The following GABRA3 variants were observed in gnomAD, a reference collection of about 807,000 sequenced individuals.
GABRA3 encodes the protein gamma-aminobutyric acid receptor subunit alpha-3.
Under a neutral mutation model 30.1 loss-of-function variants are expected in GABRA3, and 10 were observed. The ratio of observed to expected loss-of-function variants is 0.33; its 90% CI spans 0.20 to 0.56. GABRA3 has a LOEUF of 0.56. Among genes scored for constraint, GABRA3 ranks in the 20% least tolerant of loss-of-function variants. GABRA3 has a pLI of 0.89. For synonymous variants in GABRA3, 151 were observed against 146.8 expected (o/e 1.03, Z -0.21); for missense variants, 233 against 392.0 (o/e 0.59, Z 3.42).
chrX:152,379,835 G>T (rs1929093109), intron 1 of GABRA3, among the ~76,000 whole-genome samples: 1 of 110,310 alleles, frequency 9.1e-6, no homozygotes, highest in African/African-American at 3.3e-5. Flanking sequence ...CATTTATGGG[G>T]TACAATGTGA....
intron 3 of GABRA3, among the ~76,000 whole-genome samples, chrX:152,285,799 G>A (rs1320659562): frequency 9.1e-6 from 1 of 109,330 alleles, no homozygotes; most frequent in Non-Finnish European, 1.9e-5. Context: ...GCTTGCTCAA[G>A]CTTCTTTTAT....
intron 3 of GABRA3, among the ~76,000 whole-genome samples, chrX:152,342,498 A>G (rs1188735004): frequency 9.1e-6 from 1 of 110,384 alleles, no homozygotes; most frequent in Non-Finnish European, 1.9e-5. Context: ...GTTTTTGCTA[A>G]TTATTATTGC....
chrX:152,310,559 C>T (rs1939783176), intron 3 of GABRA3, among the ~76,000 whole-genome samples: 1 of 111,278 alleles, frequency 9.0e-6, no homozygotes, highest in Admixed American at 9.6e-5. Flanking sequence ...ACAGCTAAAG[C>T]AGTGTTAATA....
At chrX:152,191,707 G>A (rs762276998) in intron 8 of GABRA3, among the ~76,000 whole-genome samples, 8 of 109,573 alleles carry the variant, frequency 7.3e-5, no homozygotes, top group African/African-American at 2.0e-4. Context: ...TTGGTCTGCC[G>A]TAGTACCTTA....
At chrX:152,352,140 C>T (rs1330224214) in intron 2 of GABRA3, among the ~76,000 whole-genome samples, 1 of 110,751 alleles carries the variant, frequency 9.0e-6, no homozygotes, top group African/African-American at 3.3e-5. Context: ...TGAGCACATG[C>T]TGTTGGAAAA....
intron 9 of GABRA3, among the ~76,000 whole-genome samples, chrX:152,181,340 T>C (rs1307994632): frequency 8.9e-6 from 1 of 112,117 alleles, no homozygotes; most frequent in Non-Finnish European, 1.9e-5. Flanking sequence ...AGATAGTTCA[T>C]TGTTGATAAA....
chrX:152,299,269 G>C (rs1350746454), intron 3 of GABRA3, among the ~76,000 whole-genome samples: 1 of 112,203 alleles, frequency 8.9e-6, no homozygotes, highest in Non-Finnish European at 1.9e-5. Context: ...TGCTCTGTAT[G>C]AAAGGGAAGA....
intron 2 of GABRA3, among the ~76,000 whole-genome samples, chrX:152,359,013 A>G (rs930555562): frequency 9.0e-6 from 1 of 111,519 alleles, no homozygotes; most frequent in Non-Finnish European, 1.9e-5. Context: ...GATATAGGCC[A>G]CAAGTTTTCT....
At chrX:152,183,597 T>G (rs149162021) in intron 9 of GABRA3, among the ~76,000 whole-genome samples, 1 of 111,192 alleles carries the variant, frequency 9.0e-6, no homozygotes, top group African/African-American at 3.2e-5. Flanking sequence ...TCTAGTAACT[T>G]TGGGCTTAGT....
chrX:152,171,980 T>C (rs1466462577), intron 9 of GABRA3, among the ~76,000 whole-genome samples: 1 of 111,798 alleles, frequency 8.9e-6, no homozygotes, highest in African/African-American at 3.3e-5. Context: ...TCAGAGTATA[T>C]ACTTACATGG....
At chrX:152,445,048 G>C (rs1249508461) in intron 1 of GABRA3, among the ~76,000 whole-genome samples, 88 of 50,055 alleles carry the variant, frequency 1.8e-3, no homozygotes, top group African/African-American at 7.5e-3. Context: ...GCAACAGAGT[G>C]AGACTCCGTC....
chrX:152,325,418 C>A (rs764815910), intron 3 of GABRA3, among the ~76,000 whole-genome samples: 3 of 111,486 alleles, frequency 2.7e-5, no homozygotes, highest in African/African-American at 9.8e-5. Context: ...CCCTGACCCC[C>A]GAGTAGACTA....
chrX:152,361,528 G>A (rs1603247982), intron 2 of GABRA3, among the ~76,000 whole-genome samples: 1 of 95,880 alleles, frequency 1.0e-5, no homozygotes, highest in East Asian at 3.3e-4. Context: ...AGCTGAGATC[G>A]CACCATTGCA....
rs1335553350 is a variant in GABRA3, at chrX:152,434,853, T to C, written c.-27+16293A>G. Among the ~76,000 whole-genome samples, 14 of 111,375 alleles carry C rather than the reference T, an allele frequency of 1.3e-4. No homozygotes were observed. The Admixed American group carries it at 1.3e-3, about 11-fold the overall frequency. ...CATCAGCATACATTCATGATAAAAA[T>C]CCCTCACCAAACTATGGATAGAAGG... On this transcript the variant is annotated intron_variant, in intron 1 of 9. Coordinates refer to ENST00000370314, the MANE Select transcript of GABRA3 (RefSeq NM_000808.4).
chrX:152,200,082 G>A (rs944501696), intron 7 of GABRA3, among the ~76,000 whole-genome samples: 5 of 111,724 alleles, frequency 4.5e-5, no homozygotes, highest in South Asian at 7.5e-4. Flanking sequence ...TTATTAAAAC[G>A]TAAGTCAGAT....
At chrX:152,383,262 G>A (rs759316448) in intron 1 of GABRA3, among the ~76,000 whole-genome samples, 9 of 106,862 alleles carry the variant, frequency 8.4e-5, no homozygotes, top group East Asian at 5.9e-4. Flanking sequence ...GGTGGCGGGC[G>A]CCTATAGTCC....
chrX:152,177,213 A>G (rs949718499), intron 9 of GABRA3, among the ~76,000 whole-genome samples: 2 of 111,945 alleles, frequency 1.8e-5, no homozygotes, highest in African/African-American at 3.2e-5. Flanking sequence ...TGAGAATCAC[A>G]TATCAGTTAA....
In GABRA3 at chrX:152,284,806, C is replaced by T; in HGVS notation, c.263-71G>A. ...GTCTTAGCTCAGAGAGAGTCCAGTG[C>T]AGTACTCTGAATGACAGCCAACTTA... On this transcript the variant is annotated intron_variant, in intron 3 of 9. Coordinates refer to ENST00000370314, the MANE Select transcript of GABRA3 (RefSeq NM_000808.4). 4 of 738,670 alleles carry T rather than the reference C, an allele frequency of 5.4e-6. No homozygotes were observed. The South Asian group carries it at 7.4e-5, about 14-fold the overall frequency. The allele number at this position is 738,670 out of a possible 1,213,427, so 60.9% of individuals were successfully genotyped here. A position where few individuals can be genotyped will look rare whatever the true frequency, so the allele number is the denominator to read the frequency against.
At chrX:152,199,108 T>C (rs1937430328) in intron 7 of GABRA3, among the ~76,000 whole-genome samples, 1 of 111,439 alleles carries the variant, frequency 9.0e-6, no homozygotes, top group Non-Finnish European at 1.9e-5. Context: ...CAAGCCTGCC[T>C]GTAATCCCAG....
Sources: gnomAD v4.1 joint callset for allele counts (sites outside exome capture counted in the v4.1 genomes callset) on GRCh38, gnomAD v4.1.1 for gene constraint, MANE v1.5 for transcripts, NCBI Gene and HGNC (gene_info 2026-07-23, HGNC 2026-07-21) for gene names.